Variants in GPC6 observed in about 807,000 individuals in gnomAD.
GPC6 encodes the protein glypican 6, also known as glypican-6.
A neutral mutation model predicts 55.2 loss-of-function variants in GPC6; 14 were observed. The ratio of observed to expected loss-of-function variants is 0.25; its 90% CI spans 0.17 to 0.40. The LOEUF (loss-of-function observed/expected upper bound fraction) is 0.40. GPC6 is among the 10% of genes least tolerant of loss of function. The pLI is 1.00. For missense variants in GPC6, 641 were observed against 708.5 expected (o/e 0.90, Z 1.08); for synonymous variants, 278 against 259.6 (o/e 1.07, Z -0.68).
At chr13:94,107,107 G>A (rs1215897393) in intron 4 of GPC6, among the ~76,000 whole-genome samples, 1 of 152,134 alleles carries the variant, frequency 6.6e-6, no homozygotes, top group Non-Finnish European at 1.5e-5. Flanking sequence ...ACCGTGTTTT[G>A]GGGCCGGGTC....
intron 1 of GPC6, among the ~76,000 whole-genome samples, chr13:93,382,439 G>T (rs1048027206): frequency 1.3e-5 from 2 of 152,082 alleles, no homozygotes; most frequent in Non-Finnish European, 2.9e-5. Flanking sequence ...CATAGTTAAT[G>T]TAGACTTTTT....
At position 93,789,505 on chromosome 13, in the gene GPC6, C is replaced by CTA. The variant is rs1384089765; in HGVS notation, c.320-40648_320-40647insAT. 4.7e-3 allele frequency among the ~76,000 whole-genome samples: 375 copies of CTA among 80,256 alleles called. 13 individuals carry two copies. The highest frequency in any genetic ancestry group is 0.034 in the East Asian group (108 of 3,206). The allele number at this position is 80,256 out of a possible 152,430, so 52.7% of individuals were successfully genotyped here. On this transcript the variant is annotated intron_variant, in intron 2 of 8. Coordinates refer to ENST00000377047, the MANE Select transcript of GPC6 (RefSeq NM_005708.5). ...GAACTCTCTCTCTCTCTCTCTCTCT[C>CTA]TCTCTATATATATATATATATATAT...
At chr13:93,332,714 G>C (rs1207745448) in intron 1 of GPC6, among the ~76,000 whole-genome samples, 2 of 152,038 alleles carry the variant, frequency 1.3e-5, no homozygotes, top group Non-Finnish European at 2.9e-5. Flanking sequence ...TTTTTAGCTT[G>C]ATATAATTCC....
intron 4 of GPC6, among the ~76,000 whole-genome samples, chr13:94,209,960 A>T (rs372121040): frequency 1.1e-4 from 16 of 151,970 alleles, no homozygotes; most frequent in African/African-American, 3.9e-4. Context: ...CTATCTTCCC[A>T]CCTCAGCCTC....
chr13:93,355,948 G>A (rs964459828), intron 1 of GPC6, among the ~76,000 whole-genome samples: 3 of 152,152 alleles, frequency 2.0e-5, no homozygotes, highest in Non-Finnish European at 4.4e-5. Flanking sequence ...AGTGGATGGA[G>A]GCTCTGTGAT....
intron 4 of GPC6, among the ~76,000 whole-genome samples, chr13:94,199,148 A>T (rs1889675547): frequency 6.6e-6 from 1 of 152,208 alleles, no homozygotes; most frequent in Admixed American, 6.5e-5. Context: ...CACATTATGC[A>T]CTTCATCCCG....
chr13:93,575,370 C>T (rs867842126), intron 2 of GPC6, among the ~76,000 whole-genome samples: 1 of 152,112 alleles, frequency 6.6e-6, no homozygotes, highest in African/African-American at 2.4e-5. Context: ...AGATATTACT[C>T]CATGCCTTTC....
At chr13:93,727,913 CAG>C (rs1161440587) in intron 2 of GPC6, among the ~76,000 whole-genome samples, 1 of 152,150 alleles carries the variant, frequency 6.6e-6, no homozygotes, top group East Asian at 1.9e-4. Flanking sequence ...GGCTGCTTCA[CAG>C]AGAGAGTCAC....
At chr13:93,613,891 T>C (rs947476269) in intron 2 of GPC6, among the ~76,000 whole-genome samples, 2 of 152,170 alleles carry the variant, frequency 1.3e-5, no homozygotes, top group African/African-American at 4.8e-5. Context: ...TACAGTAGGA[T>C]GCAGAAATGA....
intron 6 of GPC6, among the ~76,000 whole-genome samples, chr13:94,333,994 C>T (rs1016820043): frequency 1.3e-5 from 2 of 152,094 alleles, no homozygotes; most frequent in Non-Finnish European, 2.9e-5. Flanking sequence ...TGAGTCAAGC[C>T]CCTTATAGAA....
chr13:93,818,313 T>A (rs1886932970), intron 2 of GPC6: 4 of 152,058 alleles, frequency 2.6e-5, no homozygotes, highest in African/African-American at 7.2e-5. Flanking sequence ...ATTGCCAGTT[T>A]TTGATGGACC....
intron 1 of GPC6, among the ~76,000 whole-genome samples, chr13:93,339,894 C>T (rs960870244): frequency 8.6e-5 from 13 of 151,894 alleles, no homozygotes; most frequent in South Asian, 2.1e-4. Context: ...AATGAGTCAT[C>T]GTATTAAAAT....
At chr13:94,183,369 AT>A (rs1449312050) in intron 4 of GPC6, among the ~76,000 whole-genome samples, 3 of 152,190 alleles carry the variant, frequency 2.0e-5, no homozygotes, top group Non-Finnish European at 4.4e-5. Context: ...TATCCATGTC[AT>A]AGAATGTATC....
In GPC6 at chr13:94,403,350, A is replaced by C. The variant is rs896007499; in HGVS notation, c.*133A>C. 13 of 728,908 alleles carry C rather than the reference A, an allele frequency of 1.8e-5. No homozygotes were observed. The highest frequency in any genetic ancestry group is 7.0e-4 in the Middle Eastern group (2 of 2,838). 45.2% of individuals were successfully genotyped at this position (728,908 alleles called of 1,614,324 possible). On this transcript the variant is annotated 3_prime_UTR_variant, in exon 9 of 9. Coordinates refer to ENST00000377047, the MANE Select transcript of GPC6 (RefSeq NM_005708.5). Reference sequence around the variant, plus strand: ...TTCTATGAGAAGAGAGCAGTAATGCAATCTGCCTCCCTTTTTGTTTTCCCA... The same window carrying C: ...TTCTATGAGAAGAGAGCAGTAATGCCATCTGCCTCCCTTTTTGTTTTCCCA...
chr13:94,303,234 C>A (rs1430363542), intron 5 of GPC6, among the ~76,000 whole-genome samples: 1 of 152,202 alleles, frequency 6.6e-6, no homozygotes, highest in African/African-American at 2.4e-5. Flanking sequence ...GGCTGGAATG[C>A]CTGGGTTTAT....
chr13:94,377,268 A>G (rs1879914906), intron 6 of GPC6, among the ~76,000 whole-genome samples: 2 of 142,992 alleles, frequency 1.4e-5, no homozygotes, highest in South Asian at 4.7e-4. Flanking sequence ...AACCTACAAA[A>G]TGGGAGAAAA....
chr13:93,858,161 A>G (rs1053179225), intron 3 of GPC6, among the ~76,000 whole-genome samples: 24 of 151,734 alleles, frequency 1.6e-4, no homozygotes, highest in African/African-American at 5.3e-4. Flanking sequence ...GATATTTTTC[A>G]GTGCTGAAAG....
Position 93,303,793 on chromosome 13 carries a change from C to T in GPC6, c.160+76177C>T, listed in dbSNP as rs926740621. On this transcript the variant is annotated intron_variant, in intron 1 of 8. Coordinates refer to ENST00000377047, the MANE Select transcript of GPC6 (RefSeq NM_005708.5). The stretch of plus-strand genomic sequence containing the variant: ...GAGAAAAGAACATTTGAGTAGGCAG[C>T]AAGGCAGCGTCCATAGAGTTTCAAT... Among the ~76,000 whole-genome samples the T allele has an allele frequency of 2.0e-5, 3 of 151,594 alleles. No homozygotes were observed. The South Asian group carries it at 6.2e-4, about 32-fold the overall frequency.
intron 8 of GPC6, among the ~76,000 whole-genome samples, chr13:94,401,743 T>C (rs1168189095): frequency 6.6e-6 from 1 of 152,172 alleles, no homozygotes. Context: ...TCATAAAATA[T>C]TCTTCACTTG....
Sources: gnomAD v4.1 joint callset for allele counts (sites outside exome capture counted in the v4.1 genomes callset) on GRCh38, gnomAD v4.1.1 for gene constraint, MANE v1.5 for transcripts, NCBI Gene and HGNC (gene_info 2026-07-23, HGNC 2026-07-21) for gene names.